The following PSD4 variants were observed in gnomAD, a reference collection of about 807,000 sequenced individuals.
PSD4 encodes PH and SEC7 domain-containing protein 4.
PSD4 carries 59 observed loss-of-function variants against 112.5 expected under a neutral mutation model. The ratio of observed to expected loss-of-function variants is 0.52; its 90% CI spans 0.43 to 0.65. PSD4 has a LOEUF of 0.65. Among genes scored for constraint, PSD4 ranks in the 30% least tolerant of loss-of-function variants. The pLI is 0.00. For missense variants in PSD4, 1,267 were observed against 1,352.6 expected (o/e 0.94, Z 0.99); for synonymous variants, 533 against 540.0 (o/e 0.99, Z 0.18).
At position 113,197,860 on chromosome 2, in the gene PSD4, G is replaced by A. The variant is rs374330658; in HGVS notation, c.2571G>A (p.Pro857=). ...CCGCCACGCATTACACCAAGAAGCC[G>A]CACGTCTTCCAGCTGCGCACGGCTG... is the stretch of plus-strand genomic sequence containing the variant. ...ATPATHYTKK[P]HVFQLRTADW... The change falls in exon 14 of 17, where the codon CCG becomes CCA. Residue 857 remains proline (P), a synonymous_variant. Transcript: ENST00000245796. 1 of 1,608,190 alleles carries A rather than the reference G, an allele frequency of 6.2e-7. No individual in the cohort carries two copies. The highest frequency in any genetic ancestry group is 8.5e-7 in the Non-Finnish European group (1 of 1,176,174).
chr2:113,195,661 A>G (rs774879162), intron 10 of PSD4, 66 bp from the exon 11 acceptor site: 121 of 1,592,184 alleles, frequency 7.6e-5, no homozygotes, highest in Non-Finnish European at 1.0e-4. Flanking sequence ...TACCTCTGCC[A>G]GACAAAGAGA....
intron 1 of PSD4, chr2:113,175,233 A>T (rs1270137040): frequency 6.6e-6 from 1 of 151,800 alleles, no homozygotes; most frequent in Non-Finnish European, 1.5e-5. Context: ...TTCTGTCCCT[A>T]CCCCCGTGAT....
chr2:113,185,989 A>C lies in PSD4; in HGVS notation c.1362A>C (p.Arg454Ser). The C allele has an allele frequency of 1.2e-6, 2 of 1,614,170 alleles. No individual in the cohort carries two copies. Among genetic ancestry groups the C allele is most frequent in the Non-Finnish European group, 1.7e-6 (2 of 1,179,982 alleles). ...PEPSSPESES[R>S]GPGPRPSPAS... ...CTAGCAGCCCAGAATCTGAGAGCAG[A>C]GGCCCTGGTCCCAGGCCCAGCCCTG... Residue 454 changes from arginine to serine, a missense_variant, in exon 5 of 17, where the codon AGA (arginine) becomes AGC (serine). Around this residue, in one of 2 missense-constraint regions of PSD4, gnomAD observed 723 missense variants for 704.0 expected, o/e 1.03. Coordinates refer to ENST00000245796, the MANE Select transcript of PSD4 (RefSeq NM_012455.3).
In PSD4 at chr2:113,185,067, A is replaced by G; in HGVS notation, c.1167A>G (p.Gln389=). 6.2e-7 allele frequency: 1 copy of G among 1,614,182 alleles called. No homozygotes were observed. Among genetic ancestry groups the G allele is most frequent in the Non-Finnish European group, 8.5e-7 (1 of 1,179,998 alleles). ...SDLGPAAHPV[Q]PWASLSPEGW... is the part of the protein sequence containing the mutation. ...TTGGCCCTGCTGCACATCCTGTGCA[A>G]CCTTGGGCAAGTCACTTCCCCTTTC... is the stretch of plus-strand genomic sequence containing the variant. The change falls in exon 3 of 17, where the codon CAA becomes CAG. Residue 389 remains glutamine, a synonymous_variant. Transcript: ENST00000245796.
At chr2:113,198,944 A>G in intron 15 of PSD4, 60 bp downstream of exon 15, 1 of 1,535,804 alleles carries the variant, frequency 6.5e-7, no homozygotes, top group Non-Finnish European at 8.7e-7. Context: ...CTGGAGCCCC[A>G]GGACTAACTC....
chr2:113,193,864 T>C lies in PSD4; in HGVS notation c.2097T>C (p.Ile699=), dbSNP rs773525652. 5 of 1,614,006 alleles carry C rather than the reference T, an allele frequency of 3.1e-6. No homozygotes were observed. The highest frequency in any genetic ancestry group is 3.3e-4 in the Middle Eastern group (2 of 6,062). The change falls in exon 10 of 17, where the codon ATT becomes ATC. Residue 699 remains isoleucine, a synonymous_variant. Coordinates refer to ENST00000245796, the MANE Select transcript of PSD4 (RefSeq NM_012455.3). ...LLNTDLHGQN[I]GKSMSCQEFI... ...CCACTTCTCCGTGGCTACAGAACAT[T>C]GGGAAGAGCATGAGCTGCCAGGAAT...
At chr2:113,190,771 G>T (rs1688421601) in intron 5 of PSD4, among the ~76,000 whole-genome samples, 1 of 152,086 alleles carries the variant, frequency 6.6e-6, no homozygotes, top group Admixed American at 6.5e-5. Flanking sequence ...TGTTTTTAAT[G>T]GCCTTTATGA....
chr2:113,190,475 G>A (rs956116203), intron 5 of PSD4, among the ~76,000 whole-genome samples: 12 of 152,114 alleles, frequency 7.9e-5, no homozygotes, highest in African/African-American at 2.9e-4. Flanking sequence ...TCACACTGTT[G>A]CCCAGCCTGG....
chr2:113,174,604 C>A (rs1179352357), intron 1 of PSD4, among the ~76,000 whole-genome samples: 1 of 152,092 alleles, frequency 6.6e-6, no homozygotes, highest in Admixed American at 6.5e-5. Flanking sequence ...CATCAGGGGG[C>A]TCCCAGCTTC....
Position 113,192,483 on chromosome 2 carries a change from C to G in PSD4, c.1732C>G (p.Leu578Val). 6.2e-7 allele frequency: 1 copy of G among 1,614,256 alleles called. No individual in the cohort carries two copies. The highest frequency in any genetic ancestry group is 1.3e-5 in the African/African-American group (1 of 75,060). ...EGQRPPAGDK[L>V]ANGVRNNKVA... is the part of the protein sequence containing the mutation. Reference sequence around the variant, plus strand: ...CCAGAGACCACCAGCTGGAGACAAGCTAGCTAATGGCGTCAGGAACAACAA... The same window carrying G: ...CCAGAGACCACCAGCTGGAGACAAGGTAGCTAATGGCGTCAGGAACAACAA... The change falls in exon 6 of 17, where the codon CTA (leucine) becomes GTA (valine). Residue 578 changes from leucine to valine, a missense_variant. Around this residue, in one of 2 missense-constraint regions of PSD4, gnomAD observed 544 missense variants for 648.6 expected, o/e 0.84. Transcript: ENST00000245796.
At position 113,193,849 on chromosome 2, in the gene PSD4, G is replaced by T; in HGVS notation, c.2092-10G>T. 1 of 1,613,654 alleles carries T rather than the reference G, an allele frequency of 6.2e-7. No individual in the cohort carries two copies. The highest frequency in any genetic ancestry group is 1.1e-5 in the South Asian group (1 of 91,064). On this transcript the variant is annotated splice_polypyrimidine_tract_variant and intron_variant, in intron 9 of 16. Coordinates refer to ENST00000245796, the MANE Select transcript of PSD4 (RefSeq NM_012455.3). ...TGTGCTCGAGTCATCCCACTTCTCC[G>T]TGGCTACAGAACATTGGGAAGAGCA... is the stretch of plus-strand genomic sequence containing the variant.
rs550447919 is a variant in PSD4 at position 113,174,428 on chromosome 2, G to A, written c.-112+374G>A. On this transcript the variant is annotated intron_variant, in intron 1 of 16. Coordinates refer to ENST00000245796, the MANE Select transcript of PSD4 (RefSeq NM_012455.3). ...CTAATCCTCTTGTGAGTGTCACTGC[G>A]TCCCCAGTGACTGCTCTGGCTGAGT... 9.2e-5 allele frequency among the ~76,000 whole-genome samples: 14 copies of A among 152,306 alleles called. 1 individual carries two copies. The highest frequency in any genetic ancestry group is 2.6e-4 in the African/African-American group (11 of 41,550).
chr2:113,184,911 C>A, intron 2 of PSD4, 46 bp from the exon 3 acceptor site: 3 of 1,609,524 alleles, frequency 1.9e-6, no homozygotes, highest in South Asian at 2.2e-5. Flanking sequence ...TTCCTCTAGT[C>A]ACCTCTCCTC....
rs1388223275 is a variant in PSD4, at chr2:113,197,648, C to T, written c.2457+14C>T. 1 of 1,614,022 alleles carries T rather than the reference C, an allele frequency of 6.2e-7. No homozygotes were observed. The highest frequency in any genetic ancestry group is 1.3e-5 in the African/African-American group (1 of 74,928). Reference sequence around the variant, plus strand: ...TACTTCCTGAAGGTAGGAAAGGAGCCAACACCCCTGTCAGAATGGGAGACT... The same window carrying T: ...TACTTCCTGAAGGTAGGAAAGGAGCTAACACCCCTGTCAGAATGGGAGACT... On this transcript the variant is annotated intron_variant, in intron 13 of 16. Transcript: ENST00000245796.
intron 5 of PSD4, among the ~76,000 whole-genome samples, chr2:113,191,691 G>A (rs1470972716): frequency 1.3e-5 from 2 of 152,214 alleles, no homozygotes; most frequent in African/African-American, 4.8e-5. Flanking sequence ...ATGTTGTCGG[G>A]GAAGCAGAAG....
At position 113,203,543 on chromosome 2, in the gene PSD4, A is replaced by G. The variant is rs1671415068; in HGVS notation, c.*2128A>G. ...AGTAGGTTATTTGACCTCACTGAACATGCATCCTTTTTTTTTTTTTTTTTT... is the reference window on the plus strand; with the variant it reads ...AGTAGGTTATTTGACCTCACTGAACGTGCATCCTTTTTTTTTTTTTTTTTT... On this transcript the variant is annotated 3_prime_UTR_variant, in exon 17 of 17. Coordinates refer to ENST00000245796, the MANE Select transcript of PSD4 (RefSeq NM_012455.3). The G allele has an allele frequency of 2.1e-5, 3 of 141,384 alleles. No individual in the cohort carries two copies. Among genetic ancestry groups the G allele is most frequent in the South Asian group, 2.3e-4 (1 of 4,366 alleles). The allele number at this position is 141,384 out of a possible 1,614,324, so 8.8% of individuals were successfully genotyped here.
chr2:113,182,987 G>A lies in PSD4; in HGVS notation c.531G>A (p.Thr177=), dbSNP rs776488905. 267 of 1,614,070 alleles carry A rather than the reference G, an allele frequency of 1.7e-4. No homozygotes were observed. Among genetic ancestry groups the A allele is most frequent in the Non-Finnish European group, 2.2e-4 (254 of 1,180,038 alleles). ...VLDLEEELEK[T]EGLKAGLKCC... is the part of the protein sequence containing the mutation. ...ACCTGGAGGAGGAGCTGGAGAAGAC[G>A]GAAGGGCTCAAGGCTGGGCTGAAAT... The change falls in exon 2 of 17, where the codon ACG becomes ACA. Residue 177 remains threonine, a synonymous_variant. Coordinates refer to ENST00000245796, the MANE Select transcript of PSD4 (RefSeq NM_012455.3).
chr2:113,197,950 G>A, intron 14 of PSD4, 37 bp downstream of exon 14: 1 of 1,514,442 alleles, frequency 6.6e-7, no homozygotes, highest in Non-Finnish European at 8.9e-7. Flanking sequence ...GCAAGGCCTT[G>A]CCCTGCCCTA....
At chr2:113,178,227 G>A (rs1573347767) in intron 1 of PSD4, among the ~76,000 whole-genome samples, 1 of 151,950 alleles carries the variant, frequency 6.6e-6, no homozygotes, top group East Asian at 1.9e-4. Context: ...AAAAAAAAAT[G>A]TCGCAGCCAG....
Sources: allele counts gnomAD v4.1 joint callset (sites outside exome capture counted in the v4.1 genomes callset), GRCh38; gene constraint gnomAD v4.1.1; regional missense constraint gnomAD v4.1.1; transcripts MANE v1.5; gene names NCBI Gene and HGNC (gene_info 2026-07-23, HGNC 2026-07-21).